Variants in CELF2 observed in about 807,000 individuals in gnomAD.
CELF2 encodes the protein CUG triplet repeat RNA-binding protein 2.
CELF2 carries 8 observed loss-of-function variants against 62.6 expected under a neutral mutation model. The observed-to-expected ratio is 0.13, with a 90% CI of 0.07 to 0.23. CELF2 has a LOEUF of 0.23. Ranked by LOEUF, CELF2 falls within the 10% of genes least tolerant of loss-of-function variation. The pLI is 1.00. For missense variants in CELF2, 333 were observed against 671.0 expected (o/e 0.50, Z 5.56); for synonymous variants, 258 against 250.0 (o/e 1.03, Z -0.30).
Position 11,075,036 on chromosome 10 carries a change from G to A in CELF2, c.74+56873G>A, listed in dbSNP as rs2071419217. On this transcript the variant is annotated intron_variant, in intron 1 of 12. Coordinates refer to ENST00000633077, the MANE Select transcript of CELF2 (RefSeq NM_001326342.2). The surrounding 1 kb of genome is among the most constrained non-coding windows in gnomAD (Gnocchi z 5.4). ...AGAACAACCTCTTTGACTCAGAATG[G>A]AATTGAAAGATGCTTTCGATTCTCT... 1.3e-5 allele frequency: 2 copies of A among 152,186 alleles called. No individual in the cohort carries two copies. Among genetic ancestry groups the A allele is most frequent in the South Asian group, 4.1e-4 (2 of 4,824 alleles). The allele number at this position is 152,186 out of a possible 1,614,324, so 9.4% of individuals were successfully genotyped here.
chr10:10,921,846 G>C (rs570299715), intron 2 of CELF2, among the ~76,000 whole-genome samples: 1 of 152,190 alleles, frequency 6.6e-6, no homozygotes, highest in Non-Finnish European at 1.5e-5. Flanking sequence ...GTGAGCCCCC[G>C]CGCCTGGCTC....
rs2132812052 is a variant in CELF2, at chr10:11,329,348, C to A, written c.*295C>A. On this transcript the variant is annotated 3_prime_UTR_variant, in exon 13 of 13. Transcript: ENST00000633077. The surrounding 1 kb of genome is among the most constrained non-coding windows in gnomAD (Gnocchi z 5.5). The stretch of plus-strand genomic sequence containing the variant: ...TTTTACCTTTTTTTTTAATTTTTTT[C>A]ATTTTTGCTTTTTTTTAAAGAGAAG... 1 of 195,692 alleles carries A rather than the reference C, an allele frequency of 5.1e-6. No homozygotes were observed. Among genetic ancestry groups the A allele is most frequent in the Non-Finnish European group, 1.0e-5 (1 of 96,928 alleles). The allele number at this position is 195,692 out of a possible 1,614,324, so 12.1% of individuals were successfully genotyped here. A position where few individuals can be genotyped will look rare whatever the true frequency, so the allele number is the denominator to read the frequency against.
the CELF2 span, among the ~76,000 whole-genome samples, chr10:10,761,274 T>C: frequency 6.6e-6 from 1 of 152,198 alleles, no homozygotes; most frequent in African/African-American, 2.4e-5. Flanking sequence ...ATGAGTTGTG[T>C]CATTTTACAG....
the CELF2 span, among the ~76,000 whole-genome samples, chr10:10,736,751 G>A: frequency 6.6e-6 from 1 of 151,942 alleles, no homozygotes; most frequent in Non-Finnish European, 1.5e-5. Context: ...AATTTTGCAG[G>A]ACTCAGATAC....
intron 1 of CELF2, among the ~76,000 whole-genome samples, chr10:11,114,825 A>G (rs547556013): frequency 3.9e-5 from 6 of 152,360 alleles, no homozygotes; most frequent in African/African-American, 1.4e-4. Flanking sequence ...CATTTATTAT[A>G]CGATTTTGAG....
At chr10:11,181,717 C>T (rs1419200830) in intron 2 of CELF2, among the ~76,000 whole-genome samples, 1 of 152,106 alleles carries the variant, frequency 6.6e-6, no homozygotes, top group East Asian at 1.9e-4. Context: ...TCATCTCTAA[C>T]TCTAAGTGTC....
At chr10:10,636,202 A>C in the CELF2 span, among the ~76,000 whole-genome samples, 2 of 152,226 alleles carry the variant, frequency 1.3e-5, no homozygotes, top group South Asian at 4.1e-4. Context: ...AATTCTCTGC[A>C]TGATCAAAAC....
chr10:10,910,190 T>C (rs369124270), intron 1 of CELF2, among the ~76,000 whole-genome samples: 2 of 152,164 alleles, frequency 1.3e-5, no homozygotes, highest in African/African-American at 4.8e-5. Context: ...TTATATAAAA[T>C]TTTTGTTTTT....
chr10:11,135,487 C>G (rs1052818771), intron 1 of CELF2, among the ~76,000 whole-genome samples: 5 of 152,234 alleles, frequency 3.3e-5, no homozygotes, highest in African/African-American at 1.2e-4. Context: ...TAGTTCAACA[C>G]TTAGCTAACA....
Position 11,314,677 on chromosome 10 carries a change from C to T in CELF2, c.1096+419C>T, listed in dbSNP as rs538898162. ...GCAGCTGTGGGAAGTCAGGCAGATGCTGCTCCCTCTCTGGGCTTGGGAGTC... is the reference window on the plus strand; with the variant it reads ...GCAGCTGTGGGAAGTCAGGCAGATGTTGCTCCCTCTCTGGGCTTGGGAGTC... On this transcript the variant is annotated intron_variant, in intron 10 of 12. Coordinates refer to ENST00000633077, the MANE Select transcript of CELF2 (RefSeq NM_001326342.2). The surrounding 1 kb of genome is among the most constrained non-coding windows in gnomAD (Gnocchi z 5.3). 23 of 307,568 alleles carry T rather than the reference C, an allele frequency of 7.5e-5. No individual in the cohort carries two copies. Among genetic ancestry groups the T allele is most frequent in the Admixed American group, 1.4e-4 (3 of 21,864 alleles). 19.1% of individuals were successfully genotyped at this position (307,568 alleles called of 1,614,324 possible).
chr10:11,225,477 T>C (rs775716309), intron 3 of CELF2, among the ~76,000 whole-genome samples: 3 of 152,228 alleles, frequency 2.0e-5, no homozygotes, highest in Non-Finnish European at 4.4e-5. Flanking sequence ...ATCTCTACAC[T>C]GTGACTTAAC....
the CELF2 span, among the ~76,000 whole-genome samples, chr10:10,502,658 T>A: frequency 2.6e-5 from 4 of 152,000 alleles, no homozygotes; most frequent in Admixed American, 6.5e-5. Context: ...TGCATATTCT[T>A]TTTTTCTTTG....
intron 1 of CELF2, chr10:10,917,908 C>T (rs555998615): frequency 1.3e-5 from 2 of 152,284 alleles, no homozygotes; most frequent in African/African-American, 2.4e-5. Context: ...TGAACAACTT[C>T]GTTTTAAAAG....
At chr10:10,737,400 A>G in the CELF2 span, among the ~76,000 whole-genome samples, 1 of 152,092 alleles carries the variant, frequency 6.6e-6, no homozygotes, top group African/African-American at 2.4e-5. Context: ...ATCTCTAAAC[A>G]GCTCTTTCCT....
intron 8 of CELF2, among the ~76,000 whole-genome samples, chr10:11,286,620 T>C (rs1314734163): frequency 6.6e-6 from 1 of 152,164 alleles, no homozygotes; most frequent in East Asian, 1.9e-4. Flanking sequence ...TTTCCTAAAG[T>C]AAAACTGAAA....
At chr10:11,124,536 A>G (rs985491717) in intron 1 of CELF2, among the ~76,000 whole-genome samples, 1 of 152,232 alleles carries the variant, frequency 6.6e-6, no homozygotes, top group Non-Finnish European at 1.5e-5. Context: ...AAAATGTAAC[A>G]TGAAATGGCA....
chr10:10,866,010 G>C (rs2060334451), intron 1 of CELF2, among the ~76,000 whole-genome samples: 1 of 152,022 alleles, frequency 6.6e-6, no homozygotes, highest in Non-Finnish European at 1.5e-5. Context: ...GTGCGTGTGT[G>C]GGGGTAGATT....
chr10:10,697,855 G>A, the CELF2 span, among the ~76,000 whole-genome samples: 3 of 152,048 alleles, frequency 2.0e-5, no homozygotes, highest in Non-Finnish European at 2.9e-5. Flanking sequence ...TGGCACAATC[G>A]GATTTCAGCT....
intron 2 of CELF2, chr10:10,922,725 TG>T (rs1248846132): frequency 3.3e-5 from 5 of 152,238 alleles, no homozygotes; most frequent in African/African-American, 9.6e-5. Flanking sequence ...TGTCGAATCA[TG>T]TTGAAAATAA....
Sources: gnomAD v4.1 joint callset for allele counts (sites outside exome capture counted in the v4.1 genomes callset) on GRCh38, gnomAD v4.1.1 for gene constraint, Gnocchi (gnomAD v3.1) non-coding constraint, MANE v1.5 for transcripts, NCBI Gene and HGNC (gene_info 2026-07-23, HGNC 2026-07-21) for gene names.